The following DHODH variants were observed in gnomAD, a reference collection of about 807,000 sequenced individuals.
DHODH encodes the protein dihydroorotate dehydrogenase (quinone).
In DHODH, 30 loss-of-function variants were observed where a neutral mutation model predicts 39.7. The ratio of observed to expected loss-of-function variants is 0.76; its 90% CI spans 0.57 to 1.02. The LOEUF (loss-of-function observed/expected upper bound fraction) is 1.02, where lower values mean the gene tolerates loss of function less well. Ranked by LOEUF, DHODH falls within the 50% of genes least tolerant of loss-of-function variation. The pLI, the probability that DHODH is intolerant of heterozygous loss-of-function variation, is 0.00. For missense variants in DHODH, 531 were observed against 520.8 expected (o/e 1.02, Z -0.19); for synonymous variants, 222 against 213.8 (o/e 1.04, Z -0.34).
At chr16:72,009,758 G>T (rs1410678890) in intron 1 of DHODH, among the ~76,000 whole-genome samples, 1 of 151,762 alleles carries the variant, frequency 6.6e-6, no homozygotes, top group Non-Finnish European at 1.5e-5. Context: ...GAGATTACAG[G>T]CGCGCGCCAC....
intron 4 of DHODH, chr16:72,020,336 T>TATATATATATATAC (rs2041192970): frequency 3.6e-5 from 4 of 112,268 alleles, no homozygotes; most frequent in African/African-American, 1.8e-4. Flanking sequence ...TGTGTATATA[T>TATATATATATATAC]ATATATATAT....
chr16:72,016,932 T>G, intron 3 of DHODH, 92 bp from the exon 4 acceptor site: 1 of 1,217,742 alleles, frequency 8.2e-7, no homozygotes, highest in Non-Finnish European at 1.2e-6. Flanking sequence ...CTGTGATTTT[T>G]TTTTTTCTCT....
In DHODH at chr16:72,025,915, C is replaced by T. The variant is rs1597399565; in HGVS notation, c.*1716C>T. On this transcript the variant is annotated 3_prime_UTR_variant, in exon 9 of 9. Coordinates refer to ENST00000219240, the MANE Select transcript of DHODH (RefSeq NM_001361.5). The stretch of plus-strand genomic sequence containing the variant: ...AGAAGCGGCTGATTGTCCAGTCCCC[C>T]TGCGTGGAGGCTGCTTGGCTGGGCT... The T allele has an allele frequency of 1.3e-5, 2 of 152,360 alleles. No homozygotes were observed. The highest frequency in any genetic ancestry group is 4.8e-5 in the African/African-American group (2 of 41,464). 9.4% of individuals were successfully genotyped at this position (152,360 alleles called of 1,614,324 possible). A position where few individuals can be genotyped will look rare whatever the true frequency, so the allele number is the denominator to read the frequency against.
rs562695864 is a variant in DHODH at position 72,008,900 on chromosome 16, C to T, written c.21+115C>T. 7.8e-6 allele frequency: 12 copies of T among 1,540,698 alleles called. No individual in the cohort carries two copies. In the Admixed American group the frequency reaches 2.0e-4, roughly 26 times the overall value. On this transcript the variant is annotated intron_variant, in intron 1 of 8. Coordinates refer to ENST00000219240, the MANE Select transcript of DHODH (RefSeq NM_001361.5). ...AGGCGGCTCCGGGAGTGTGGGCCCC[C>T]CTGGGACGTGTGCGTGTTTCCGGGG...
intron 4 of DHODH, 40 bp from the exon 5 acceptor site, chr16:72,021,084 A>C: frequency 6.4e-7 from 1 of 1,558,244 alleles, no homozygotes. Flanking sequence ...GGCACAGGAA[A>C]GGGTGTGCGG....
In DHODH at chr16:72,026,969, G is replaced by C. The variant is rs1002046470; in HGVS notation, c.*2770G>C. The C allele has an allele frequency of 3.0e-3, 140 of 46,582 alleles. 1 individual carries two copies. The highest frequency in any genetic ancestry group is 1.5e-3 in the Non-Finnish European group (30 of 19,578). The allele number at this position is 46,582 out of a possible 1,614,324, so 2.9% of individuals were successfully genotyped here. A position where few individuals can be genotyped will look rare whatever the true frequency, so the allele number is the denominator to read the frequency against. On this transcript the variant is annotated 3_prime_UTR_variant, in exon 9 of 9. Coordinates refer to ENST00000219240, the MANE Select transcript of DHODH (RefSeq NM_001361.5). ...CCACACCCAGCTAATTTGTGTGTGT[G>C]TGTGTGTGTGTGTGTGTGTGTGTGT...
In DHODH at chr16:72,026,964, T is replaced by TGC. The variant is rs2041281204; in HGVS notation, c.*2766_*2767insCG. Reference sequence around the variant, plus strand: ...CACTACCACACCCAGCTAATTTGTGTGTGTGTGTGTGTGTGTGTGTGTGTG... The same window carrying TGC: ...CACTACCACACCCAGCTAATTTGTGTGCGTGTGTGTGTGTGTGTGTGTGTGTG... On this transcript the variant is annotated 3_prime_UTR_variant, in exon 9 of 9. Transcript: ENST00000219240. The TGC allele has an allele frequency of 1.3e-4, 2 of 15,882 alleles. No homozygotes were observed. The highest frequency in any genetic ancestry group is 6.3e-3 in the South Asian group (2 of 316). 1.0% of individuals were successfully genotyped at this position (15,882 alleles called of 1,614,324 possible).
intron 4 of DHODH, chr16:72,020,457 G>A (rs1372939285): frequency 1.3e-5 from 2 of 149,764 alleles, no homozygotes; most frequent in Non-Finnish European, 1.5e-5. Flanking sequence ...GTTCATTGGA[G>A]CCTCAATCCT....
At chr16:72,019,594 G>C (rs945405251) in intron 4 of DHODH, among the ~76,000 whole-genome samples, 1 of 152,192 alleles carries the variant, frequency 6.6e-6, no homozygotes, top group Non-Finnish European at 1.5e-5. Context: ...GGTCCAAAAT[G>C]CAAGTCCATT....
At chr16:72,014,187 A>G (rs539963192) in intron 2 of DHODH, among the ~76,000 whole-genome samples, 3 of 152,168 alleles carry the variant, frequency 2.0e-5, no homozygotes, top group Non-Finnish European at 4.4e-5. Context: ...CTCCGCTTCA[A>G]CCCACGGTGG....
intron 1 of DHODH, 81 bp from the exon 2 acceptor site, chr16:72,011,969 C>T (rs1385158041): frequency 1.7e-6 from 2 of 1,146,716 alleles, no homozygotes; most frequent in East Asian, 4.7e-5. Context: ...GTTATGCCCT[C>T]TGTGTACCTG....
chr16:72,013,331 A>G (rs2041105653), intron 2 of DHODH, among the ~76,000 whole-genome samples: 1 of 152,092 alleles, frequency 6.6e-6, no homozygotes, highest in Non-Finnish European at 1.5e-5. Context: ...GGGAGTGAAT[A>G]ATGAGTGGGG....
intron 1 of DHODH, 126 bp from the exon 2 acceptor site, chr16:72,011,924 G>T: frequency 1.4e-6 from 1 of 705,428 alleles, no homozygotes; most frequent in Non-Finnish European, 2.5e-6. Flanking sequence ...CAGTGTCAGC[G>T]GAAGGCTAAG....
chr16:72,019,364 C>A (rs1034309842), intron 4 of DHODH, among the ~76,000 whole-genome samples: 2 of 152,174 alleles, frequency 1.3e-5, no homozygotes, highest in African/African-American at 4.8e-5. Context: ...AGGTGGTGAG[C>A]AGTACAATAG....
chr16:72,009,509 CAAAAAAAAAAAAA>C (rs56347696), intron 1 of DHODH, among the ~76,000 whole-genome samples: 1 of 48,118 alleles, frequency 2.1e-5, no homozygotes, highest in Non-Finnish European at 3.5e-5. Context: ...GACTCCGTCT[CAAAAAAAAAAAAA>C]AAAAAAAAAA....
Position 72,024,554 on chromosome 16 carries a change from T to A in DHODH, c.*355T>A. The A allele has an allele frequency of 2.7e-6, 1 of 365,432 alleles. No homozygotes were observed. The highest frequency in any genetic ancestry group is 5.2e-6 in the Non-Finnish European group (1 of 192,136). 22.6% of individuals were successfully genotyped at this position (365,432 alleles called of 1,614,324 possible). On this transcript the variant is annotated 3_prime_UTR_variant, in exon 9 of 9. Transcript: ENST00000219240. ...TTTGCCATAGGCCCTGCCAAGATAC[T>A]GCAGGTCCATCCAGGCCTCTGCTAT...
intron 4 of DHODH, chr16:72,020,527 T>G (rs1286690479): frequency 6.6e-6 from 1 of 152,526 alleles, no homozygotes; most frequent in Non-Finnish European, 1.5e-5. Flanking sequence ...GGCTGAGTTT[T>G]CAATTATAGA....
chr16:72,012,109 C>T lies in DHODH; in HGVS notation c.81C>T (p.Tyr27=). The T allele has an allele frequency of 6.2e-7, 1 of 1,614,154 alleles. No individual in the cohort carries two copies. Among genetic ancestry groups the T allele is most frequent in the East Asian group, 2.2e-5 (1 of 44,882 alleles). ...LGGGGLLFAS[Y]LMATGDERFY... Reference sequence around the variant, plus strand: ...GAGGAGGACTTCTCTTCGCCTCCTACCTGATGGCCACGGGAGATGAGCGTT... The same window carrying T: ...GAGGAGGACTTCTCTTCGCCTCCTATCTGATGGCCACGGGAGATGAGCGTT... The change falls in exon 2 of 9, where the codon TAC becomes TAT. Residue 27 remains tyrosine (Y), a synonymous_variant. Coordinates refer to ENST00000219240, the MANE Select transcript of DHODH (RefSeq NM_001361.5).
At chr16:72,022,762 C>A (rs1191947340) in intron 6 of DHODH, among the ~76,000 whole-genome samples, 1 of 152,174 alleles carries the variant, frequency 6.6e-6, no homozygotes, top group Non-Finnish European at 1.5e-5. Flanking sequence ...ACTGAAAATT[C>A]TTTCTCTCAC....
Sources: gnomAD v4.1 joint callset for allele counts (sites outside exome capture counted in the v4.1 genomes callset) on GRCh38, gnomAD v4.1.1 for gene constraint, MANE v1.5 for transcripts, NCBI Gene and HGNC (gene_info 2026-07-23, HGNC 2026-07-21) for gene names.